The following ST18 variants were observed in gnomAD, a reference collection of about 807,000 sequenced individuals.
ST18 encodes the protein suppression of tumorigenicity 18 protein.
In ST18, 50 loss-of-function variants were observed where a neutral mutation model predicts 110.0. The ratio of observed to expected loss-of-function variants is 0.45; its 90% confidence interval spans 0.36 to 0.58. The LOEUF is 0.58. Among genes scored for constraint, ST18 ranks in the 20% least tolerant of loss-of-function variants. The probability of loss-of-function intolerance (pLI) is 0.00; values close to 1 mark genes in which losing one functional copy is unlikely to be tolerated. For missense variants in ST18, 1,306 were observed against 1,280.1 expected, an observed-to-expected ratio of 1.02 and a Z score of -0.31; for synonymous variants, 461 against 452.4, an observed-to-expected ratio of 1.02 and a Z score of -0.24.
At chr8:52,346,586 A>G (rs1392585270) in intron 2 of ST18, among the ~76,000 whole-genome samples, 1 of 152,242 alleles carries the variant, frequency 6.6e-6, no homozygotes, top group Non-Finnish European at 1.5e-5. Context: ...TAGGAAAAAT[A>G]AAGCCAACTG....
intron 25 of ST18, 45 bp from the exon 26 acceptor site, chr8:52,113,383 C>G: frequency 6.2e-7 from 1 of 1,601,780 alleles, no homozygotes; most frequent in Non-Finnish European, 8.5e-7. Context: ...GTGGTTCAGG[C>G]TGAGGGAAAA....
chr8:52,277,535 A>G (rs1404822596), intron 2 of ST18, among the ~76,000 whole-genome samples: 2 of 152,184 alleles, frequency 1.3e-5, no homozygotes, highest in Non-Finnish European at 2.9e-5. Flanking sequence ...ATTAAATATC[A>G]TTTTATCTAT....
At chr8:52,260,430 T>C (rs1194580704) in intron 2 of ST18, among the ~76,000 whole-genome samples, 2 of 151,164 alleles carry the variant, frequency 1.3e-5, no homozygotes, top group African/African-American at 4.9e-5. Context: ...TTATTTATCA[T>C]GTGACATGTG....
intron 8 of ST18, chr8:52,200,947 C>T (rs760351882): frequency 2.6e-5 from 4 of 152,160 alleles, no homozygotes; most frequent in African/African-American, 2.4e-5. Flanking sequence ...TTATATGAGT[C>T]TGAAATTCAG....
intron 2 of ST18, among the ~76,000 whole-genome samples, chr8:52,297,096 C>T (rs2095647237): frequency 6.6e-6 from 1 of 152,218 alleles, no homozygotes; most frequent in African/African-American, 2.4e-5. Flanking sequence ...ATATAAGAAT[C>T]TGTGTGTAGT....
intron 2 of ST18, among the ~76,000 whole-genome samples, chr8:52,315,972 C>G (rs189394859): frequency 6.6e-6 from 1 of 152,314 alleles, no homozygotes; most frequent in African/African-American, 2.4e-5. Flanking sequence ...GTCTAATGTG[C>G]AGTCCTCTGG....
At chr8:52,130,839 C>T (rs990498305) in intron 22 of ST18, among the ~76,000 whole-genome samples, 1 of 152,166 alleles carries the variant, frequency 6.6e-6, no homozygotes, top group African/African-American at 2.4e-5. Flanking sequence ...TTAGCAGTAT[C>T]AACATGGATA....
chr8:52,350,032 G>A (rs533608213), intron 2 of ST18, among the ~76,000 whole-genome samples: 2 of 152,242 alleles, frequency 1.3e-5, no homozygotes, highest in Admixed American at 6.5e-5. Context: ...TCCACACCCC[G>A]CAGGACCTCC....
chr8:52,322,626 A>G (rs1804476239), intron 2 of ST18, among the ~76,000 whole-genome samples: 1 of 152,214 alleles, frequency 6.6e-6, no homozygotes, highest in Non-Finnish European at 1.5e-5. Flanking sequence ...CTGCTGGTCC[A>G]GAGAGACAGA....
At chr8:52,321,353 T>A (rs553906437) in intron 2 of ST18, among the ~76,000 whole-genome samples, 1 of 152,304 alleles carries the variant, frequency 6.6e-6, no homozygotes, top group South Asian at 2.1e-4. Flanking sequence ...TGCTATTAAC[T>A]GTTAGCTCTA....
At chr8:52,352,839 AC>A (rs1821012168) in intron 2 of ST18, among the ~76,000 whole-genome samples, 1 of 152,206 alleles carries the variant, frequency 6.6e-6, no homozygotes, top group Non-Finnish European at 1.5e-5. Context: ...CCACCTATAT[AC>A]CAGGCAGTAT....
intron 2 of ST18, among the ~76,000 whole-genome samples, chr8:52,250,086 G>A (rs1222874889): frequency 6.6e-6 from 1 of 151,874 alleles, no homozygotes; most frequent in Non-Finnish European, 1.5e-5. Context: ...AATGCTGAGA[G>A]CACTATGAAT....
intron 17 of ST18, among the ~76,000 whole-genome samples, chr8:52,139,122 A>G (rs992649859): frequency 1.1e-4 from 17 of 152,160 alleles, no homozygotes; most frequent in African/African-American, 3.9e-4. Context: ...AGCTATAAAT[A>G]TATGTTAAAA....
At chr8:52,133,166 G>A in intron 20 of ST18, 29 bp from the exon 21 acceptor site, 1 of 1,614,150 alleles carries the variant, frequency 6.2e-7, no homozygotes, top group Non-Finnish European at 8.5e-7. Context: ...AAAGAACAAA[G>A]CAAAATTATG....
chr8:52,148,674 A>G (rs1035792775), intron 16 of ST18, among the ~76,000 whole-genome samples: 1 of 138,496 alleles, frequency 7.2e-6, no homozygotes, highest in Non-Finnish European at 1.6e-5. Flanking sequence ...GAAAGGAAGG[A>G]AGGAAGGGAG....
chr8:52,208,248 TA>T (rs1442980693), intron 8 of ST18, among the ~76,000 whole-genome samples: 1 of 152,188 alleles, frequency 6.6e-6, no homozygotes, highest in African/African-American at 2.4e-5. Context: ...CAATGCATTC[TA>T]AAAAGAAGAA....
At chr8:52,212,172 T>A in intron 7 of ST18, 63 bp from the exon 8 acceptor site, 1 of 1,520,216 alleles carries the variant, frequency 6.6e-7, no homozygotes, top group Non-Finnish European at 8.9e-7. Context: ...AACTGTATAA[T>A]GGAAACTTTT....
intron 2 of ST18, among the ~76,000 whole-genome samples, chr8:52,290,735 C>T (rs1425056265): frequency 1.3e-5 from 2 of 152,126 alleles, no homozygotes; most frequent in Non-Finnish European, 2.9e-5. Context: ...TTCACCAGCC[C>T]TGCCTGCCAC....
rs2060680332 is a variant in ST18, at chr8:52,158,914, T to C, written c.1790A>G (p.Gln597Arg). 1.2e-6 allele frequency: 2 copies of C among 1,613,902 alleles called. No individual in the cohort carries two copies. Among genetic ancestry groups the C allele is most frequent in the Admixed American group, 1.7e-5 (1 of 59,994 alleles). ...EATDILSNKPQSLHAKGAEIE... is the reference protein window; with the variant it reads ...EATDILSNKPRSLHAKGAEIE... ...CTGGCCTACCTTGGCATGCAGACTC[T>C]GTGGCTTGTTGGAGAGGATGTCTGT... Residue 597 changes from glutamine (Q) to arginine (R), a missense_variant, in exon 15 of 26, where the codon CAG becomes CGG. Transcript: ENST00000689386.
Sources: gnomAD v4.1 joint callset for allele counts (sites outside exome capture counted in the v4.1 genomes callset) on GRCh38, gnomAD v4.1.1 for gene constraint, MANE v1.5 for transcripts, NCBI Gene and HGNC (gene_info 2026-07-23, HGNC 2026-07-21) for gene names.